MRPL42: variants seen among roughly 807,000 people sequenced by gnomAD.
MRPL42 encodes the protein large ribosomal subunit protein mL42.
A neutral mutation model predicts 17.9 loss-of-function variants in MRPL42; 17 were observed. That is an observed-to-expected ratio of 0.95 (90% CI 0.65 to 1.42). The LOEUF (loss-of-function observed/expected upper bound fraction) is 1.42. Ranked by LOEUF, MRPL42 falls within the 40% of genes most tolerant of loss-of-function variation. The pLI is 0.00. For missense variants in MRPL42, 177 were observed against 175.2 expected (o/e 1.01, Z -0.06); for synonymous variants, 59 against 54.4 (o/e 1.08, Z -0.37).
rs546077973 is a variant in MRPL42, at chr12:93,507,465, A to C, written c.*6244A>C. 6.6e-6 allele frequency: 1 copy of C among 152,354 alleles called. No individual in the cohort carries two copies. The highest frequency in any genetic ancestry group is 2.4e-5 in the African/African-American group (1 of 41,586). 9.4% of individuals were successfully genotyped at this position (152,354 alleles called of 1,614,324 possible). A position where few individuals can be genotyped will look rare whatever the true frequency, so the allele number is the denominator to read the frequency against. Reference sequence around the variant, plus strand: ...AATAACTTGCTTATAAGTGTTTAAAATGACTTAATGGGTTCTATCTTTTAA... The same window carrying C: ...AATAACTTGCTTATAAGTGTTTAAACTGACTTAATGGGTTCTATCTTTTAA... On this transcript the variant is annotated 3_prime_UTR_variant, in exon 6 of 6. Coordinates refer to ENST00000549982, the MANE Select transcript of MRPL42 (RefSeq NM_014050.4).
chr12:93,485,003 T>TAC (rs1186653153), intron 4 of MRPL42, among the ~76,000 whole-genome samples: 5 of 68,332 alleles, frequency 7.3e-5, no homozygotes, highest in Non-Finnish European at 1.2e-4. Context: ...TATATATATA[T>TAC]ATATATATAT....
At chr12:93,480,344 C>G (rs1880398493) in intron 4 of MRPL42, among the ~76,000 whole-genome samples, 1 of 151,840 alleles carries the variant, frequency 6.6e-6, no homozygotes, top group Non-Finnish European at 1.5e-5. Flanking sequence ...TGATCTCGAA[C>G]TCCTAAGCTT....
At chr12:93,474,789 C>T (rs916743539) in intron 2 of MRPL42, among the ~76,000 whole-genome samples, 8 of 151,810 alleles carry the variant, frequency 5.3e-5, no homozygotes, top group African/African-American at 1.7e-4. Flanking sequence ...CCAGTGATGT[C>T]AAACAAGAAA....
chr12:93,480,233 G>C (rs1181731069), intron 4 of MRPL42, among the ~76,000 whole-genome samples: 3 of 151,864 alleles, frequency 2.0e-5, no homozygotes, highest in Admixed American at 1.3e-4. Context: ...CTATTCTCCT[G>C]TCTCAGCCTC....
At position 93,513,731 on chromosome 12, in the gene MRPL42, CAT is replaced by C. The variant is rs1953748988; in HGVS notation, c.*12512_*12513del. ...TGAAATTTAATTTTATATCCATTAA[CAT>C]AATTAAAAATTGGGGCTTTTAAAAA... On this transcript the variant is annotated 3_prime_UTR_variant, in exon 6 of 6. Coordinates refer to ENST00000549982, the MANE Select transcript of MRPL42 (RefSeq NM_014050.4). 1 of 152,114 alleles carries C rather than the reference CAT, an allele frequency of 6.6e-6. No individual in the cohort carries two copies. The highest frequency in any genetic ancestry group is 1.5e-5 in the Non-Finnish European group (1 of 68,024). 9.4% of individuals were successfully genotyped at this position (152,114 alleles called of 1,614,324 possible).
chr12:93,495,782 C>G (rs1401034230), intron 5 of MRPL42, among the ~76,000 whole-genome samples: 1 of 152,042 alleles, frequency 6.6e-6, no homozygotes, highest in Non-Finnish European at 1.5e-5. Flanking sequence ...CATCTTAACC[C>G]ACCTGTGACC....
chr12:93,487,360 T>G, intron 4 of MRPL42, 137 bp from the exon 5 acceptor site: 1 of 699,756 alleles, frequency 1.4e-6, no homozygotes, highest in African/African-American at 1.8e-5. Flanking sequence ...AGTGAAACTT[T>G]GTTTTGATAA....
intron 2 of MRPL42, 119 bp from the exon 3 acceptor site, chr12:93,476,835 C>G: frequency 1.1e-6 from 1 of 886,002 alleles, no homozygotes; most frequent in Non-Finnish European, 1.8e-6. Context: ...TAGCCCCTAG[C>G]ACAGGCCTGT....
intron 2 of MRPL42, among the ~76,000 whole-genome samples, chr12:93,474,492 TG>T (rs1565809389): frequency 6.6e-6 from 1 of 152,150 alleles, no homozygotes; most frequent in Non-Finnish European, 1.5e-5. Context: ...TAGAATTCAG[TG>T]GCACAATCAT....
intron 2 of MRPL42, among the ~76,000 whole-genome samples, chr12:93,473,517 C>T (rs542087449): frequency 5.3e-4 from 81 of 152,244 alleles, no homozygotes; most frequent in African/African-American, 1.6e-3. Context: ...CTGCAACCTC[C>T]GCCTCCCAGA....
chr12:93,516,164 T>C lies in MRPL42; in HGVS notation c.*14943T>C, dbSNP rs183877142. 30 of 152,396 alleles carry C rather than the reference T, an allele frequency of 2.0e-4. No homozygotes were observed. The highest frequency in any genetic ancestry group is 6.7e-4 in the African/African-American group (28 of 41,598). 9.4% of individuals were successfully genotyped at this position (152,396 alleles called of 1,614,324 possible). A position where few individuals can be genotyped will look rare whatever the true frequency, so the allele number is the denominator to read the frequency against. ...CTGAGACACCCCATGGTTCCCTATG[T>C]TGTGTGTTCTTCTTTGCTGCAATGA... On this transcript the variant is annotated 3_prime_UTR_variant, in exon 6 of 6. Coordinates refer to ENST00000549982, the MANE Select transcript of MRPL42 (RefSeq NM_014050.4).
At chr12:93,467,734 G>C (rs913553008) in intron 1 of MRPL42, among the ~76,000 whole-genome samples, 180 bp downstream of exon 1, 1 of 152,228 alleles carries the variant, frequency 6.6e-6, no homozygotes, top group Non-Finnish European at 1.5e-5. Flanking sequence ...GTTTCTTATA[G>C]CGCCCCCTTT....
At chr12:93,483,924 C>T (rs952289662) in intron 4 of MRPL42, among the ~76,000 whole-genome samples, 1 of 151,794 alleles carries the variant, frequency 6.6e-6, no homozygotes, top group Non-Finnish European at 1.5e-5. Flanking sequence ...TTTTTGTTTG[C>T]ACTTTTTAAA....
chr12:93,479,909 A>G (rs1018181791), intron 4 of MRPL42, among the ~76,000 whole-genome samples: 1 of 124,722 alleles, frequency 8.0e-6, no homozygotes, highest in African/African-American at 3.1e-5. Flanking sequence ...GAATTTCTTT[A>G]TTTTTATGTT....
intron 5 of MRPL42, among the ~76,000 whole-genome samples, chr12:93,494,256 G>A (rs1454502673): frequency 6.6e-6 from 1 of 152,174 alleles, no homozygotes; most frequent in Non-Finnish European, 1.5e-5. Flanking sequence ...TGGCTGCTAC[G>A]CTACAAACAG....
chr12:93,487,027 T>C (rs187556404), intron 4 of MRPL42, among the ~76,000 whole-genome samples: 3 of 152,170 alleles, frequency 2.0e-5, no homozygotes, highest in Admixed American at 2.0e-4. Context: ...TGGAGCACAG[T>C]AGTGTGATCA....
intron 2 of MRPL42, among the ~76,000 whole-genome samples, chr12:93,475,266 C>T (rs1880109678): frequency 6.6e-6 from 1 of 151,940 alleles, no homozygotes; most frequent in Non-Finnish European, 1.5e-5. Context: ...AGGCATGCAC[C>T]ACCACACCCG....
chr12:93,478,376 G>C (rs1880284935), intron 3 of MRPL42, among the ~76,000 whole-genome samples: 1 of 151,772 alleles, frequency 6.6e-6, no homozygotes, highest in Non-Finnish European at 1.5e-5. Context: ...GTCTGCCCAA[G>C]TAACTGGAAC....
At chr12:93,471,545 C>T (rs1215040890) in intron 2 of MRPL42, among the ~76,000 whole-genome samples, 1 of 152,198 alleles carries the variant, frequency 6.6e-6, no homozygotes, top group East Asian at 1.9e-4. Context: ...AAGTGATCTG[C>T]CCACCTCAGC....
Sources: gnomAD v4.1 joint callset for allele counts (sites outside exome capture counted in the v4.1 genomes callset) on GRCh38, gnomAD v4.1.1 for gene constraint, MANE v1.5 for transcripts, NCBI Gene and HGNC (gene_info 2026-07-23, HGNC 2026-07-21) for gene names.